Variants in CDH4 observed in about 807,000 individuals in gnomAD.
The protein encoded by CDH4 is cadherin-4.
Under a neutral mutation model 86.0 loss-of-function variants are expected in CDH4, and 33 were observed. The ratio of observed to expected loss-of-function variants is 0.38; its 90% CI spans 0.29 to 0.51. CDH4 has a LOEUF of 0.51. Ranked by LOEUF, CDH4 falls within the 20% of genes least tolerant of loss-of-function variation. CDH4 has a pLI of 0.86. For missense variants in CDH4, 1,114 were observed against 1,307.4 expected, an observed-to-expected ratio of 0.85 and a Z score of 2.28; for synonymous variants, 555 against 549.4, an observed-to-expected ratio of 1.01 and a Z score of -0.14.
chr20:61,264,745 C>T (rs1438365003), intron 2 of CDH4, among the ~76,000 whole-genome samples: 1 of 146,474 alleles, frequency 6.8e-6, no homozygotes, highest in African/African-American at 2.6e-5. Flanking sequence ...TTCATTCAGT[C>T]CTACACATAC....
rs2087864485 is a variant in CDH4 at position 61,709,219 on chromosome 20, CA to C, written c.170-34343del. Reference sequence around the variant, plus strand: ...AACTGGGGCCAGGCTGGGCCACTGTCAGGGGTTTTGCTGTCCACAAATTTAA... The same window carrying C: ...AACTGGGGCCAGGCTGGGCCACTGTCGGGGTTTTGCTGTCCACAAATTTAA... On this transcript the variant is annotated intron_variant, in intron 2 of 15. Coordinates refer to ENST00000614565, the MANE Select transcript of CDH4 (RefSeq NM_001794.5). The surrounding 1 kb of genome is among the most constrained non-coding windows in gnomAD (Gnocchi z 4.8). 6.6e-6 allele frequency among the ~76,000 whole-genome samples: 1 copy of C among 152,222 alleles called. No individual in the cohort carries two copies.
intron 2 of CDH4, among the ~76,000 whole-genome samples, chr20:61,559,166 A>C (rs1471432645): frequency 1.3e-5 from 2 of 152,020 alleles, no homozygotes; most frequent in African/African-American, 4.8e-5. Context: ...AAAATACAAA[A>C]AATTAGCTGG....
At chr20:61,354,257 C>T (rs982846524) in intron 2 of CDH4, among the ~76,000 whole-genome samples, 1 of 152,066 alleles carries the variant, frequency 6.6e-6, no homozygotes, top group African/African-American at 2.4e-5. Flanking sequence ...CCCGGCAGCA[C>T]GTGAGTGGGA....
chr20:61,308,371 G>C (rs2084428628), intron 2 of CDH4, among the ~76,000 whole-genome samples: 1 of 152,212 alleles, frequency 6.6e-6, no homozygotes, highest in African/African-American at 2.4e-5. Flanking sequence ...GTTTCATGCT[G>C]ATTGAATTAG....
At chr20:61,770,154 G>A (rs954197663) in intron 3 of CDH4, among the ~76,000 whole-genome samples, 4 of 152,156 alleles carry the variant, frequency 2.6e-5, no homozygotes, top group Non-Finnish European at 4.4e-5. Context: ...AAAAGCCCCC[G>A]CCCCTTGTCA....
chr20:61,911,119 C>T (rs1337446877), intron 9 of CDH4, among the ~76,000 whole-genome samples: 1 of 152,170 alleles, frequency 6.6e-6, no homozygotes, highest in Non-Finnish European at 1.5e-5. Context: ...TCTTATGATG[C>T]TGTAATAATC....
intron 2 of CDH4, among the ~76,000 whole-genome samples, chr20:61,311,528 A>G (rs1349813827): frequency 6.6e-6 from 1 of 152,240 alleles, no homozygotes; most frequent in African/African-American, 2.4e-5. Context: ...GATATTTAGT[A>G]AACATAGACA....
intron 2 of CDH4, among the ~76,000 whole-genome samples, chr20:61,658,307 G>A (rs151138133): frequency 9.2e-4 from 140 of 151,998 alleles, no homozygotes; most frequent in Non-Finnish European, 1.7e-3. Flanking sequence ...CTGTATTAGA[G>A]AGGGATCCAA....
At chr20:61,641,060 C>T (rs1468334606) in intron 2 of CDH4, among the ~76,000 whole-genome samples, 1 of 151,960 alleles carries the variant, frequency 6.6e-6, no homozygotes, top group Non-Finnish European at 1.5e-5. Flanking sequence ...CTGGGACGTG[C>T]ACCTCCATGT....
chr20:61,416,453 T>C (rs1442380099), intron 2 of CDH4, among the ~76,000 whole-genome samples: 1 of 152,254 alleles, frequency 6.6e-6, no homozygotes, highest in Non-Finnish European at 1.5e-5. Flanking sequence ...CCAGTTTCTC[T>C]GCATCTTCAC....
At chr20:61,724,938 C>A (rs2088092272) in intron 2 of CDH4, among the ~76,000 whole-genome samples, 1 of 151,916 alleles carries the variant, frequency 6.6e-6, no homozygotes, top group Admixed American at 6.6e-5. Context: ...TAGCATGGCC[C>A]CATCTCAACA....
chr20:61,597,279 G>T (rs1300783098), intron 2 of CDH4, among the ~76,000 whole-genome samples: 2 of 152,206 alleles, frequency 1.3e-5, no homozygotes, highest in Non-Finnish European at 2.9e-5. Flanking sequence ...GGCCCAGAAG[G>T]TCTGTTCCCT....
intron 14 of CDH4, 126 bp downstream of exon 14, chr20:61,933,250 A>G (rs775164263): frequency 1.3e-4 from 162 of 1,234,786 alleles, no homozygotes; most frequent in Non-Finnish European, 1.8e-4. Flanking sequence ...TGAAGGTGCC[A>G]GGCAGGGGCG....
chr20:61,642,683 A>G (rs760977546), intron 2 of CDH4, among the ~76,000 whole-genome samples: 2 of 152,214 alleles, frequency 1.3e-5, no homozygotes, highest in African/African-American at 2.4e-5. Flanking sequence ...ATTGCCACAC[A>G]GTCCTGTAGG....
intron 4 of CDH4, among the ~76,000 whole-genome samples, chr20:61,787,358 C>G (rs1978939096): frequency 6.6e-6 from 1 of 152,208 alleles, no homozygotes; most frequent in Non-Finnish European, 1.5e-5. Context: ...ATATGCCCTT[C>G]TTCACATGAT....
intron 2 of CDH4, among the ~76,000 whole-genome samples, chr20:61,668,450 T>G (rs1295534470): frequency 1.3e-5 from 2 of 152,228 alleles, no homozygotes; most frequent in African/African-American, 2.4e-5. Context: ...GCCAAAGCAG[T>G]GCCCTGTGGA....
At chr20:61,919,478 G>T (rs1329456566) in intron 9 of CDH4, among the ~76,000 whole-genome samples, 2 of 152,254 alleles carry the variant, frequency 1.3e-5, no homozygotes, top group Non-Finnish European at 2.9e-5. Context: ...CCACAAACTG[G>T]CCTTTTCCGC....
chr20:61,901,642 C>T (rs1249169897), intron 8 of CDH4, among the ~76,000 whole-genome samples: 1 of 152,240 alleles, frequency 6.6e-6, no homozygotes, highest in Non-Finnish European at 1.5e-5. Context: ...ATGCCCTCGT[C>T]CACACCGGGC....
intron 2 of CDH4, among the ~76,000 whole-genome samples, chr20:61,372,951 G>A (rs768486387): frequency 5.9e-5 from 9 of 152,270 alleles, no homozygotes; most frequent in Non-Finnish European, 1.0e-4. Flanking sequence ...TGCCCTCCGC[G>A]TCCTTGCATG....
Sources: allele counts gnomAD v4.1 joint callset (sites outside exome capture counted in the v4.1 genomes callset), GRCh38; gene constraint gnomAD v4.1.1; non-coding constraint Gnocchi (gnomAD v3.1); transcripts MANE v1.5; gene names NCBI Gene and HGNC (gene_info 2026-07-23, HGNC 2026-07-21).